Variants in UGT1A10 observed in about 807,000 individuals in gnomAD.
UGT1A10 encodes the protein UDP glucuronosyltransferase family 1 member A10, also known as UDP-glucuronosyltransferase 1A10.
Under a neutral mutation model 45.8 loss-of-function variants are expected in UGT1A10, and 49 were observed. The observed-to-expected ratio is 1.07, with a 90% CI of 0.85 to 1.36. The LOEUF (loss-of-function observed/expected upper bound fraction) is 1.36. Ranked by LOEUF, UGT1A10 falls within the 40% of genes most tolerant of loss-of-function variation. UGT1A10 has a pLI of 0.00. For synonymous variants in UGT1A10, 284 were observed against 249.7 expected (o/e 1.14, Z -1.29); for missense variants, 745 against 668.6 (o/e 1.11, Z -1.26).
intron 1 of UGT1A10, among the ~76,000 whole-genome samples, chr2:233,672,971 C>T (rs1196554847): frequency 6.6e-6 from 1 of 152,152 alleles, no homozygotes; most frequent in Non-Finnish European, 1.5e-5. Flanking sequence ...AACTGCCCTT[C>T]TTGAAGATAT....
intron 1 of UGT1A10, chr2:233,754,464 G>A (rs748886391): frequency 1.4e-5 from 5 of 356,342 alleles, no homozygotes; most frequent in Non-Finnish European, 2.2e-5. Flanking sequence ...CAGCTGTTCT[G>A]AAAGTAAAGT....
intron 1 of UGT1A10, among the ~76,000 whole-genome samples, chr2:233,695,215 T>C (rs2075273192): frequency 6.7e-6 from 1 of 148,732 alleles, no homozygotes; most frequent in Non-Finnish European, 1.5e-5. Flanking sequence ...AACCTCCACC[T>C]CCTGGGTTCA....
chr2:233,671,159 T>C (rs1186796589), intron 1 of UGT1A10, among the ~76,000 whole-genome samples: 1 of 152,184 alleles, frequency 6.6e-6, no homozygotes. Context: ...AGGAGGGCAC[T>C]GGAGTGATGG....
intron 1 of UGT1A10, among the ~76,000 whole-genome samples, chr2:233,702,320 A>G (rs2075680943): frequency 6.6e-6 from 1 of 152,048 alleles, no homozygotes; most frequent in Admixed American, 6.6e-5. Flanking sequence ...GTACTTCAAC[A>G]TTTCTGAACT....
intron 1 of UGT1A10, among the ~76,000 whole-genome samples, chr2:233,655,093 A>G (rs17863770): frequency 0.026 from 3,944 of 152,314 alleles, 59 homozygotes; most frequent in Middle Eastern, 0.065. Context: ...TCTCTCAAAA[A>G]AAAGAAAGAA....
chr2:233,656,091 A>T (rs2248733), intron 1 of UGT1A10, among the ~76,000 whole-genome samples: 19,101 of 151,610 alleles, frequency 0.13, 1,280 homozygotes, highest in Non-Finnish European at 0.16. Flanking sequence ...CTGAACAAAC[A>T]GGGTAAACAT....
At chr2:233,767,193 T>G (rs373415241) in intron 2 of UGT1A10, 28 bp downstream of exon 2, 1 of 1,613,806 alleles carries the variant, frequency 6.2e-7, no homozygotes. Context: ...CATGGCCTCA[T>G]ATCTATTTTC....
chr2:233,683,254 T>C (rs1390186173), intron 1 of UGT1A10, among the ~76,000 whole-genome samples: 1 of 152,166 alleles, frequency 6.6e-6, no homozygotes, highest in Non-Finnish European at 1.5e-5. Flanking sequence ...TGTTTTTTTA[T>C]GTTAGATTTT....
chr2:233,693,830 G>A (rs930455403), intron 1 of UGT1A10: 1 of 1,614,166 alleles, frequency 6.2e-7, no homozygotes, highest in South Asian at 1.1e-5. Flanking sequence ...CTTCATTGGA[G>A]GTATCAACTG....
intron 1 of UGT1A10, among the ~76,000 whole-genome samples, chr2:233,647,445 T>C (rs1239513580): frequency 6.6e-6 from 1 of 152,220 alleles, no homozygotes; most frequent in East Asian, 1.9e-4. Flanking sequence ...CCGGACTAGA[T>C]TGTGAGAAAT....
At chr2:233,685,810 G>A (rs894047732) in intron 1 of UGT1A10, among the ~76,000 whole-genome samples, 8 of 151,984 alleles carry the variant, frequency 5.3e-5, no homozygotes, top group Admixed American at 2.0e-4. Flanking sequence ...GTCTCATCAC[G>A]AAATACTTCA....
chr2:233,760,995 A>G (rs777512835), intron 1 of UGT1A10: 2 of 1,614,138 alleles, frequency 1.2e-6, no homozygotes, highest in Non-Finnish European at 1.7e-6. Context: ...TTGCCTCAGA[A>G]TTCCTTCAGA....
chr2:233,709,436 G>A (rs1274311484), intron 1 of UGT1A10, among the ~76,000 whole-genome samples: 1 of 152,092 alleles, frequency 6.6e-6, no homozygotes, highest in African/African-American at 2.4e-5. Context: ...CAGAAAGGAT[G>A]ACCTGCCGAC....
chr2:233,700,872 C>T (rs2075594705), intron 1 of UGT1A10, among the ~76,000 whole-genome samples: 1 of 152,050 alleles, frequency 6.6e-6, no homozygotes, highest in African/African-American at 2.4e-5. Flanking sequence ...TCCCTCCCTC[C>T]TCCCCCCACC....
At chr2:233,760,719 C>A in intron 1 of UGT1A10, 4 of 1,614,206 alleles carry the variant, frequency 2.5e-6, no homozygotes, top group Non-Finnish European at 3.4e-6. Flanking sequence ...CAGAAAGCAG[C>A]TTTGATGTCA....
At chr2:233,688,902 G>C (rs1305603391) in intron 1 of UGT1A10, among the ~76,000 whole-genome samples, 2 of 152,140 alleles carry the variant, frequency 1.3e-5, no homozygotes, top group African/African-American at 2.4e-5. Flanking sequence ...AGAAGTTGGG[G>C]GGATGGTGTG....
intron 1 of UGT1A10, among the ~76,000 whole-genome samples, chr2:233,662,386 T>C (rs1319448378): frequency 2.0e-5 from 3 of 152,210 alleles, no homozygotes; most frequent in Admixed American, 6.5e-5. Context: ...TTTTCTAATA[T>C]ATTTATTGCA....
In UGT1A10 at chr2:233,768,239, C is replaced by A. The variant is rs1699593098; in HGVS notation, c.1095C>A (p.Ala365=). Residue 365 remains alanine (A), a synonymous_variant, in exon 4 of 5, where the codon GCC becomes GCA. Coordinates refer to ENST00000344644, the MANE Select transcript of UGT1A10 (RefSeq NM_019075.4). ...NDLLGHPMTR[A]FITHAGSHGV... ...TCTCAGGTCACCCGATGACCCGTGC[C>A]TTTATCACCCATGCTGGTTCCCATG... 1 of 1,614,058 alleles carries A rather than the reference C, an allele frequency of 6.2e-7. No individual in the cohort carries two copies. The highest frequency in any genetic ancestry group is 1.3e-5 in the African/African-American group (1 of 74,904).
intron 1 of UGT1A10, among the ~76,000 whole-genome samples, chr2:233,761,681 C>T (rs1697835350): frequency 6.6e-6 from 1 of 152,246 alleles, no homozygotes; most frequent in Non-Finnish European, 1.5e-5. Flanking sequence ...CAGGTTCTGA[C>T]ATGATACAGA....
Sources: allele counts gnomAD v4.1 joint callset (sites outside exome capture counted in the v4.1 genomes callset), GRCh38; gene constraint gnomAD v4.1.1; transcripts MANE v1.5; gene names NCBI Gene and HGNC (gene_info 2026-07-23, HGNC 2026-07-21).